COL11A1: variants seen among roughly 807,000 people sequenced by gnomAD.
COL11A1 encodes the protein collagen type XI alpha 1 chain, also known as collagen alpha-1(XI) chain.
Under a neutral mutation model 265.2 loss-of-function variants are expected in COL11A1, and 74 were observed. The ratio of observed to expected loss-of-function variants is 0.28; its 90% confidence interval spans 0.23 to 0.34. COL11A1 has a LOEUF of 0.34. COL11A1 is among the 10% of genes least tolerant of loss of function. The pLI, the probability that COL11A1 is intolerant of heterozygous loss-of-function variation, is 1.00. For synonymous variants in COL11A1, 816 were observed against 727.6 expected, an observed-to-expected ratio of 1.12 and a Z score of -1.96; for missense variants, 2,165 against 2,263.6, an observed-to-expected ratio of 0.96 and a Z score of 0.88.
At chr1:103,054,644 G>A (rs1316745609) in intron 4 of COL11A1, among the ~76,000 whole-genome samples, 1 of 152,118 alleles carries the variant, frequency 6.6e-6, no homozygotes, top group Non-Finnish European at 1.5e-5. Flanking sequence ...GCTCATGTCT[G>A]TAATCTCAGC....
chr1:103,014,512 C>A lies in COL11A1; in HGVS notation c.1571G>T (p.Arg524Leu). 6.2e-7 allele frequency: 1 copy of A among 1,613,480 alleles called. No homozygotes were observed. The highest frequency in any genetic ancestry group is 8.5e-7 in the Non-Finnish European group (1 of 1,179,596). The change falls in exon 13 of 67, where the codon CGG (arginine) becomes CTG (leucine). Residue 524 changes from arginine to leucine, a missense_variant and splice_region_variant. Transcript: ENST00000370096. ...GAATGCAAGTTTATCCTGTCTTACC[C>A]GAGCCTGCTGAAGAATAGCTTGAGC... ...AQAQAILQQA[R>L]IALRGPPGPM...
At chr1:103,049,391 A>G (rs1174336917) in intron 4 of COL11A1, among the ~76,000 whole-genome samples, 1 of 152,030 alleles carries the variant, frequency 6.6e-6, no homozygotes, top group Non-Finnish European at 1.5e-5. Flanking sequence ...GTTGGTTTAA[A>G]GTCTGTTTTA....
intron 46 of COL11A1, among the ~76,000 whole-genome samples, chr1:102,927,434 C>T (rs1012303111): frequency 4.6e-5 from 7 of 152,038 alleles, no homozygotes; most frequent in Middle Eastern, 3.2e-3. Flanking sequence ...AGCCAGAATA[C>T]GGCCAGGCGC....
chr1:103,079,810 C>G (rs994567276), intron 2 of COL11A1, among the ~76,000 whole-genome samples: 1 of 151,900 alleles, frequency 6.6e-6, no homozygotes, highest in Non-Finnish European at 1.5e-5. Flanking sequence ...TCAACAATAT[C>G]TAGCCTAATA....
chr1:103,027,434 T>TATATAC (rs1330812766), intron 5 of COL11A1, among the ~76,000 whole-genome samples: 13 of 80,028 alleles, frequency 1.6e-4, no homozygotes, highest in Non-Finnish European at 3.3e-4. Flanking sequence ...TATATATATA[T>TATATAC]ATATATATAT....
At chr1:103,024,171 G>A (rs1557961282) in intron 7 of COL11A1, among the ~76,000 whole-genome samples, 1 of 152,166 alleles carries the variant, frequency 6.6e-6, no homozygotes, top group African/African-American at 2.4e-5. Context: ...CTGTCACCCA[G>A]GCTGGAGTTG....
At chr1:103,059,746 C>T (rs1046509401) in intron 4 of COL11A1, among the ~76,000 whole-genome samples, 11 of 152,020 alleles carry the variant, frequency 7.2e-5, no homozygotes, top group Non-Finnish European at 1.2e-4. Flanking sequence ...ATTTGATGGG[C>T]TCATTAGTAA....
intron 37 of COL11A1, among the ~76,000 whole-genome samples, chr1:102,967,224 A>ATTTTT (rs1557882148): frequency 2.2e-3 from 92 of 41,180 alleles, no homozygotes; most frequent in South Asian, 9.4e-3. Flanking sequence ...AACATAATAA[A>ATTTTT]TTCTTTTTTT....
At chr1:102,965,883 C>G (rs544474672) in intron 37 of COL11A1, among the ~76,000 whole-genome samples, 2 of 152,240 alleles carry the variant, frequency 1.3e-5, no homozygotes, top group African/African-American at 4.8e-5. Context: ...TTTAGACATT[C>G]TTTGAAACAG....
At chr1:102,885,752 C>A (rs1230210269) in intron 63 of COL11A1, among the ~76,000 whole-genome samples, 2 of 152,006 alleles carry the variant, frequency 1.3e-5, no homozygotes, top group Non-Finnish European at 2.9e-5. Context: ...TCATCTACAT[C>A]TTTTGCTTAA....
chr1:102,923,866 G>A (rs1656268825), intron 46 of COL11A1, among the ~76,000 whole-genome samples: 1 of 151,740 alleles, frequency 6.6e-6, no homozygotes, highest in Admixed American at 6.6e-5. Flanking sequence ...TTCAATTTCT[G>A]AATCTTACAA....
chr1:103,021,850 C>A, intron 8 of COL11A1, 81 bp from the exon 9 acceptor site: 1 of 922,466 alleles, frequency 1.1e-6, no homozygotes, highest in South Asian at 1.5e-5. Flanking sequence ...TTTTTTTTTT[C>A]TTTCTTTCTT....
intron 31 of COL11A1, among the ~76,000 whole-genome samples, chr1:102,981,399 G>T (rs977138067): frequency 3.3e-5 from 5 of 151,698 alleles, no homozygotes; most frequent in Non-Finnish European, 7.4e-5. Flanking sequence ...AATTTTGAGG[G>T]GGGGGACAAA....
Position 102,936,701 on chromosome 1 carries a change from A to T in COL11A1, c.3439-1588T>A, listed in dbSNP as rs1318400343. ...ATAATTTCCAAATTATCAATGAAGG[A>T]TATTACAAAATTATGTATGAAACAT... On this transcript the variant is annotated intron_variant, in intron 44 of 66. Coordinates refer to ENST00000370096, the MANE Select transcript of COL11A1 (RefSeq NM_001854.4). Among the ~76,000 whole-genome samples, 4 of 152,316 alleles carry T rather than the reference A, an allele frequency of 2.6e-5. No individual in the cohort carries two copies. In the East Asian group the frequency reaches 7.7e-4, roughly 29 times the overall value.
intron 41 of COL11A1, among the ~76,000 whole-genome samples, chr1:102,957,595 C>T (rs1485349306): frequency 6.6e-6 from 1 of 152,054 alleles, no homozygotes; most frequent in Non-Finnish European, 1.5e-5. Context: ...TAATCAGTTT[C>T]ATCTTCGATT....
At chr1:102,902,845 C>A (rs556714284) in intron 54 of COL11A1, among the ~76,000 whole-genome samples, 2 of 150,846 alleles carry the variant, frequency 1.3e-5, no homozygotes, top group African/African-American at 4.9e-5. Flanking sequence ...TATATACACA[C>A]ACATAGTACA....
Position 103,014,572 on chromosome 1 carries a change from GA to G in COL11A1, c.1510del (p.Ser504ProfsTer24). 6.2e-7 allele frequency: 1 copy of G among 1,613,582 alleles called. No homozygotes were observed. Among genetic ancestry groups the G allele is most frequent in the Non-Finnish European group, 8.5e-7 (1 of 1,179,676 alleles). On this transcript the variant is annotated frameshift_variant, in exon 13 of 67. Transcript: ENST00000370096. LOFTEE classifies it high-confidence loss of function. ...MLPFRYGGDG[S>X]KGPTISAQEA... ...CTGAGCAGAGATGGTTGGTCCTTTG[GA>G]ACCATCACCACCATAACGGAACTTG...
intron 20 of COL11A1, 77 bp from the exon 21 acceptor site, chr1:103,003,345 T>A: frequency 1.4e-6 from 2 of 1,384,140 alleles, no homozygotes; most frequent in Non-Finnish European, 2.0e-6. Context: ...AATGAAGAAA[T>A]CCTAAGGTTA....
At chr1:103,104,250 G>A (rs1674518694) in intron 1 of COL11A1, among the ~76,000 whole-genome samples, 1 of 151,982 alleles carries the variant, frequency 6.6e-6, no homozygotes, top group African/African-American at 2.4e-5. Context: ...ATTAATCAGA[G>A]TGAAGAGAAT....
Sources: gnomAD v4.1 joint callset for allele counts (sites outside exome capture counted in the v4.1 genomes callset) on GRCh38, gnomAD v4.1.1 for gene constraint, MANE v1.5 for transcripts, NCBI Gene and HGNC (gene_info 2026-07-23, HGNC 2026-07-21) for gene names.